Variants in TRHDE observed in about 807,000 individuals in gnomAD.
The protein encoded by TRHDE is thyrotropin-releasing hormone-degrading ectoenzyme.
Under a neutral mutation model 125.7 loss-of-function variants are expected in TRHDE, and 72 were observed. That is an observed-to-expected ratio of 0.57 (90% CI 0.47 to 0.70). TRHDE has a LOEUF of 0.70. Among genes scored for constraint, TRHDE ranks in the 30% least tolerant of loss-of-function variants. TRHDE has a pLI of 0.00. For synonymous variants in TRHDE, 509 were observed against 509.1 expected, an observed-to-expected ratio of 1.00 and a Z score of 0.00; for missense variants, 1,110 against 1,327.1, an observed-to-expected ratio of 0.84 and a Z score of 2.54.
At position 72,670,277 on chromosome 12, in the gene TRHDE, GT is replaced by G. The variant is rs1263196504; in HGVS notation, c.*7086del. Reference sequence around the variant, plus strand: ...CCTTTTGTTAGTTTAGCAGATAAATGTTTTCAATGTATGCCTTTAAAATTAT... The same window carrying G: ...CCTTTTGTTAGTTTAGCAGATAAATGTTTCAATGTATGCCTTTAAAATTAT... On this transcript the variant is annotated 3_prime_UTR_variant, in exon 19 of 19. Coordinates refer to ENST00000261180, the MANE Select transcript of TRHDE (RefSeq NM_013381.3). 1 of 151,680 alleles carries G rather than the reference GT, an allele frequency of 6.6e-6. No individual in the cohort carries two copies. Among genetic ancestry groups the G allele is most frequent in the Non-Finnish European group, 1.5e-5 (1 of 67,782 alleles). 9.4% of individuals were successfully genotyped at this position (151,680 alleles called of 1,614,324 possible). A position where few individuals can be genotyped will look rare whatever the true frequency, so the allele number is the denominator to read the frequency against.
intron 5 of TRHDE, among the ~76,000 whole-genome samples, chr12:72,498,294 A>G (rs554122860): frequency 6.6e-6 from 1 of 152,332 alleles, no homozygotes; most frequent in African/African-American, 2.4e-5. Context: ...ACACACATTT[A>G]TGTCCAGTCA....
upstream of TRHDE, among the ~76,000 whole-genome samples, chr12:72,271,035 G>A (rs138799341): frequency 3.2e-4 from 48 of 152,276 alleles, no homozygotes; most frequent in East Asian, 8.9e-3. Context: ...GAATGTATTC[G>A]TTCACCGTTC....
chr12:72,376,977 G>A (rs1565718907), intron 2 of TRHDE, among the ~76,000 whole-genome samples: 1 of 152,040 alleles, frequency 6.6e-6, no homozygotes, highest in African/African-American at 2.4e-5. Context: ...CAGCCAGCTG[G>A]TGGCCAACAC....
intron 15 of TRHDE, among the ~76,000 whole-genome samples, chr12:72,644,424 G>A (rs2136103298): frequency 6.6e-6 from 1 of 152,280 alleles, no homozygotes; most frequent in Non-Finnish European, 1.5e-5. Context: ...TGGAGATGGT[G>A]GCTTGAGCAA....
At chr12:72,568,230 A>G (rs750136099) in intron 9 of TRHDE, among the ~76,000 whole-genome samples, 2 of 152,128 alleles carry the variant, frequency 1.3e-5, no homozygotes, top group Non-Finnish European at 2.9e-5. Context: ...GAAAGAAGTT[A>G]TGTTTAGACT....
At chr12:72,373,378 T>G (rs898867081) in intron 2 of TRHDE, among the ~76,000 whole-genome samples, 3 of 152,140 alleles carry the variant, frequency 2.0e-5, no homozygotes, top group Admixed American at 1.3e-4. Flanking sequence ...TGAATACCCT[T>G]TATTTCCTTC....
intron 12 of TRHDE, among the ~76,000 whole-genome samples, chr12:72,598,739 T>G (rs1872084520): frequency 6.6e-6 from 1 of 152,082 alleles, no homozygotes; most frequent in Non-Finnish European, 1.5e-5. Flanking sequence ...AATTTCAACT[T>G]TTTTTTAGAT....
intron 3 of TRHDE, among the ~76,000 whole-genome samples, chr12:72,433,651 TC>T (rs1344607873): frequency 6.6e-6 from 1 of 151,856 alleles, no homozygotes; most frequent in African/African-American, 2.4e-5. Flanking sequence ...ATAAAACCCC[TC>T]CTCTCACACA....
intron 3 of TRHDE, among the ~76,000 whole-genome samples, chr12:72,429,182 C>A (rs1389343555): frequency 6.6e-6 from 1 of 151,664 alleles, no homozygotes; most frequent in African/African-American, 2.4e-5. Flanking sequence ...CATCATACAC[C>A]AGGGCCTGTT....
At chr12:72,258,979 G>A (rs1878884752) in intron 2 of TRHDE, among the ~76,000 whole-genome samples, 1 of 152,122 alleles carries the variant, frequency 6.6e-6, no homozygotes, top group South Asian at 2.1e-4. Flanking sequence ...TCATCAGATA[G>A]TGTCTGTTAG....
At chr12:72,406,951 G>T (rs1250469034) in intron 3 of TRHDE, among the ~76,000 whole-genome samples, 1 of 152,202 alleles carries the variant, frequency 6.6e-6, no homozygotes, top group African/African-American at 2.4e-5. Flanking sequence ...ACCATAGGAA[G>T]ATGTCAAGTA....
In TRHDE at chr12:72,231,126, AT is replaced by A. The variant is rs201409329; in HGVS notation, n.279+125376del. 1.4e-3 allele frequency among the ~76,000 whole-genome samples: 211 copies of A among 152,242 alleles called. 1 individual carries two copies. Among genetic ancestry groups the A allele is most frequent in the African/African-American group, 4.8e-3 (201 of 41,536 alleles). On this transcript the variant is annotated intron_variant and non_coding_transcript_variant, in intron 2 of 4. Transcript: ENST00000548156. ...AGATAAGAGTTTTAACTGTCTTTTG[AT>A]TAAAAAAATTAGAAGTACATAAAAA...
At chr12:72,471,197 C>T (rs1247803993) in intron 4 of TRHDE, among the ~76,000 whole-genome samples, 1 of 151,972 alleles carries the variant, frequency 6.6e-6, no homozygotes, top group African/African-American at 2.4e-5. Flanking sequence ...CAGTTTTTTG[C>T]ACTGAACCTG....
At chr12:72,112,394 C>T (rs1875336233) in intron 2 of TRHDE, among the ~76,000 whole-genome samples, 4 of 152,250 alleles carry the variant, frequency 2.6e-5, no homozygotes, top group Middle Eastern at 3.4e-3. Context: ...CAGATTTCAT[C>T]TGAAAAGAAA....
intron 7 of TRHDE, among the ~76,000 whole-genome samples, chr12:72,551,373 G>A (rs1045661721): frequency 7.2e-5 from 11 of 151,958 alleles, no homozygotes; most frequent in African/African-American, 2.7e-4. Flanking sequence ...TTTCCAATCG[G>A]TCTCCTGTAT....
chr12:72,396,631 C>T (rs1872801817), intron 3 of TRHDE, among the ~76,000 whole-genome samples: 1 of 152,216 alleles, frequency 6.6e-6, no homozygotes, highest in African/African-American at 2.4e-5. Flanking sequence ...GTACTCCCAG[C>T]TACTTGGGAG....
At chr12:72,219,800 A>T (rs1277964957) in intron 2 of TRHDE, among the ~76,000 whole-genome samples, 2 of 152,110 alleles carry the variant, frequency 1.3e-5, no homozygotes, top group African/African-American at 4.8e-5. Flanking sequence ...GAGATGTTGT[A>T]CCTGATGTTG....
chr12:72,438,229 C>T (rs187404032), intron 3 of TRHDE, among the ~76,000 whole-genome samples: 1 of 151,920 alleles, frequency 6.6e-6, no homozygotes, highest in East Asian at 1.9e-4. Context: ...GAGTATTCTG[C>T]AGTGAACATG....
At chr12:72,318,428 G>C (rs1039501016) in intron 2 of TRHDE, among the ~76,000 whole-genome samples, 2 of 152,172 alleles carry the variant, frequency 1.3e-5, no homozygotes, top group Non-Finnish European at 2.9e-5. Flanking sequence ...ATATTTTTGT[G>C]ATTTGCACAG....
Sources: gnomAD v4.1 joint callset for allele counts (sites outside exome capture counted in the v4.1 genomes callset) on GRCh38, gnomAD v4.1.1 for gene constraint, MANE v1.5 for transcripts, NCBI Gene and HGNC (gene_info 2026-07-23, HGNC 2026-07-21) for gene names.